Variants in MOS observed in about 807,000 individuals in gnomAD.
MOS encodes the protein MOS proto-oncogene, serine/threonine kinase.
For missense variants in MOS, 419 were observed against 459.6 expected (o/e 0.91, Z 0.81); for synonymous variants, 190 against 205.2 (o/e 0.93, Z 0.63).
rs914676231 is a variant in MOS, at chr8:56,113,601, G to C, written c.382C>G (p.Pro128Ala). The C allele has an allele frequency of 5.0e-6, 8 of 1,613,044 alleles. No homozygotes were observed. The highest frequency in any genetic ancestry group is 6.8e-6 in the Non-Finnish European group (8 of 1,179,768). The change falls in exon 1 of 1, where the codon CCC (proline) becomes GCC (alanine). Residue 128 changes from proline to alanine, a missense_variant. By Grantham distance (27) the Pro-to-Ala change is conservative (BLOSUM62 -1). Coordinates refer to ENST00000311923, the MANE Select transcript of MOS (RefSeq NM_005372.1). This position sits in a 1 kb window ranked among gnomAD's most constrained non-coding sequence, Gnocchi z 5.7. ...VRVVAASTRT[P>A]AGSNSLGTII... Reference sequence around the variant, plus strand: ...GTCCCTAGGCTATTGGACCCTGCGGGCGTGCGCGTGCTGGCAGCCACCACG... The same window carrying C: ...GTCCCTAGGCTATTGGACCCTGCGGCCGTGCGCGTGCTGGCAGCCACCACG...
Position 56,113,256 on chromosome 8 carries a change from A to G in MOS, c.727T>C (p.Tyr243His). 1 of 1,613,734 alleles carries G rather than the reference A, an allele frequency of 6.2e-7. No individual in the cohort carries two copies. The highest frequency in any genetic ancestry group is 1.6e-4 in the Middle Eastern group (1 of 6,062). The change falls in exon 1 of 1, where the codon TAC becomes CAC. Residue 243 changes from tyrosine (Y) to histidine (H), a missense_variant. Transcript: ENST00000311923. This position sits in a 1 kb window ranked among gnomAD's most constrained non-coding sequence, Gnocchi z 5.7. Reference sequence around the variant, plus strand: ...AGGAGCTCCGGGGCGCGGTGGGTGTATGTGCCTCCTAGAGGGTAAGAGGGT... The same window carrying G: ...AGGAGCTCCGGGGCGCGGTGGGTGTGTGTGCCTCCTAGAGGGTAAGAGGGT... ...QTPSYPLGGT[Y>H]THRAPELLKG...
rs778411090 is a variant in MOS at position 56,113,867 on chromosome 8, G to A, written c.116C>T (p.Thr39Ile). The stretch of plus-strand genomic sequence containing the variant: ...CGGCAGCCGCGGGGCCCGAGGAAGA[G>A]TGGCCCCCAGAAGCAGCTTCGCAGG... ...ELPAKLLLGA[T>I]LPRAPRLPRR... is the part of the protein sequence containing the mutation. Residue 39 changes from threonine (T) to isoleucine (I), a missense_variant, in exon 1 of 1, where the codon ACT (threonine) becomes ATT (isoleucine). Thr to Ile is a moderately conservative substitution (Grantham distance 89). Transcript: ENST00000311923. The surrounding 1 kb of genome is among the most constrained non-coding windows in gnomAD (Gnocchi z 5.7). 1.2e-6 allele frequency: 2 copies of A among 1,604,596 alleles called. No individual in the cohort carries two copies. The highest frequency in any genetic ancestry group is 8.5e-7 in the Non-Finnish European group (1 of 1,177,914).
At position 56,113,670 on chromosome 8, in the gene MOS, C is replaced by T; in HGVS notation, c.313G>A (p.Ala105Thr). ...CGCAGCCTTGCTACGTTGAGCTCAG[C>T]CCAGAAACTCCGCCGAGATGCTAGT... ...NRLASRRSFW[A>T]ELNVARLRHD... Residue 105 changes from alanine to threonine, a missense_variant, in exon 1 of 1, where the codon GCT (alanine) becomes ACT (threonine). Transcript: ENST00000311923. This position sits in a 1 kb window ranked among gnomAD's most constrained non-coding sequence, Gnocchi z 5.7. 1 of 1,613,868 alleles carries T rather than the reference C, an allele frequency of 6.2e-7. No individual in the cohort carries two copies. Among genetic ancestry groups the T allele is most frequent in the Non-Finnish European group, 8.5e-7 (1 of 1,179,918 alleles).
Position 56,113,096 on chromosome 8 carries a change from C to A in MOS, c.887G>T (p.Arg296Leu), listed in dbSNP as rs201748033. Residue 296 changes from arginine (R) to leucine (L), a missense_variant, in exon 1 of 1, where the codon CGC becomes CTC. By Grantham distance (102) the Arg-to-Leu change is moderately radical. Coordinates refer to ENST00000311923, the MANE Select transcript of MOS (RefSeq NM_005372.1). The surrounding 1 kb of genome is among the most constrained non-coding windows in gnomAD (Gnocchi z 5.7). ...ILYAVVAYDL[R>L]PSLSAAVFED... ...GAAGACGGCAGCGGAGAGGGACGGG[C>A]GCAGGTCGTAGGCCACCACCGCGTA... 2 of 1,610,980 alleles carry A rather than the reference C, an allele frequency of 1.2e-6. No individual in the cohort carries two copies. Among genetic ancestry groups the A allele is most frequent in the East Asian group, 2.2e-5 (1 of 44,838 alleles).
chr8:56,113,693 A>G lies in MOS; in HGVS notation c.290T>C (p.Leu97Pro). The change falls in exon 1 of 1, where the codon CTA becomes CCA. Residue 97 changes from leucine (L) to proline (P), a missense_variant. Transcript: ENST00000311923. The surrounding 1 kb of genome is among the most constrained non-coding windows in gnomAD (Gnocchi z 5.7). ...AGCCCAGAAACTCCGCCGAGATGCT[A>G]GTCGGTTCTTGGTGCACTTGTTCAC... ...KQVNKCTKNR[L>P]ASRRSFWAEL... is the part of the protein sequence containing the mutation. The G allele has an allele frequency of 6.2e-7, 1 of 1,614,004 alleles. No individual in the cohort carries two copies.
At position 56,113,462 on chromosome 8, in the gene MOS, C is replaced by T; in HGVS notation, c.521G>A (p.Ser174Asn). ...EPHCRTGGQL[S>N]LGKCLKYSLD... ...TGAGTACTTGAGACACTTTCCCAAA[C>T]TTAACTGTCCTCCAGTGCGGCAGTG... Residue 174 changes from serine (S) to asparagine (N), a missense_variant, in exon 1 of 1, where the codon AGT becomes AAT. Transcript: ENST00000311923. This position sits in a 1 kb window ranked among gnomAD's most constrained non-coding sequence, Gnocchi z 5.7. 9.3e-6 allele frequency: 15 copies of T among 1,614,086 alleles called. No homozygotes were observed. The highest frequency in any genetic ancestry group is 1.3e-5 in the Non-Finnish European group (15 of 1,180,028).
chr8:56,113,735 G>A lies in MOS; in HGVS notation c.248C>T (p.Pro83Leu), dbSNP rs752568092. The A allele has an allele frequency of 7.4e-6, 12 of 1,613,740 alleles. No homozygotes were observed. Among genetic ancestry groups the A allele is most frequent in the Middle Eastern group, 1.6e-4 (1 of 6,080 alleles). ...CTTGTTCACTTGCTTTATGGCCACA[G>A]GAACACCGCGGTAAGTCGCCTTGTA... Reference protein sequence around the residue: ...SVYKATYRGVPVAIKQVNKCT... With the variant: ...SVYKATYRGVLVAIKQVNKCT... Residue 83 changes from proline (P) to leucine (L), a missense_variant, in exon 1 of 1, where the codon CCT becomes CTT. Transcript: ENST00000311923. The surrounding 1 kb of genome is among the most constrained non-coding windows in gnomAD (Gnocchi z 5.7).
In MOS at chr8:56,113,833, C is replaced by T. The variant is rs1304722121; in HGVS notation, c.150G>A (p.Leu50=). 1.9e-6 allele frequency: 3 copies of T among 1,610,242 alleles called. No individual in the cohort carries two copies. The highest frequency in any genetic ancestry group is 2.5e-6 in the Non-Finnish European group (3 of 1,179,188). Residue 50 remains leucine, a synonymous_variant, in exon 1 of 1, where the codon CTG becomes CTA. Transcript: ENST00000311923. This position sits in a 1 kb window ranked among gnomAD's most constrained non-coding sequence, Gnocchi z 5.7. ...GCTCCCAGTCAATGGAGCACCAGGC[C>T]AGCCGGCGCGGCAGCCGCGGGGCCC... ...LPRAPRLPRR[L]AWCSIDWEQV...
At position 56,113,506 on chromosome 8, in the gene MOS, C is replaced by G. The variant is rs1289834156; in HGVS notation, c.477G>C (p.Glu159Asp). Residue 159 changes from glutamate (E) to aspartate (D), a missense_variant, in exon 1 of 1, where the codon GAG (glutamate) becomes GAC (aspartate). Glu to Asp is a conservative substitution (Grantham distance 45, BLOSUM62 2). Transcript: ENST00000311923. The surrounding 1 kb of genome is among the most constrained non-coding windows in gnomAD (Gnocchi z 5.7). ...GGCAGTGAGGCTCCCCTGCGTCCCC[C>G]TCAGGGTGGCCGGCGGCGCCATAGA... is the stretch of plus-strand genomic sequence containing the variant. ...QVIYGAAGHP[E>D]GDAGEPHCRT... is the part of the protein sequence containing the mutation. 1 of 1,614,082 alleles carries G rather than the reference C, an allele frequency of 6.2e-7. No homozygotes were observed. The highest frequency in any genetic ancestry group is 1.1e-5 in the South Asian group (1 of 91,074).
Position 56,113,630 on chromosome 8 carries a change from AC to A in MOS, c.352del (p.Val118CysfsTer17). 1 of 1,522,200 alleles carries A rather than the reference AC, an allele frequency of 6.6e-7. No homozygotes were observed. The highest frequency in any genetic ancestry group is 8.9e-7 in the Non-Finnish European group (1 of 1,124,856). The allele number at this position is 1,522,200 out of a possible 1,614,324, so 94.3% of individuals were successfully genotyped here. Reference sequence around the variant, plus strand: ...GCGCGTGCTGGCAGCCACCACGCGCACGATGTTATCGTGGCGCAGCCTTGCT... The same window carrying A: ...GCGCGTGCTGGCAGCCACCACGCGCAGATGTTATCGTGGCGCAGCCTTGCT... Reference protein sequence around the residue: ...NVARLRHDNIVRVVAASTRTP... With the variant: ...NVARLRHDNIXRVVAASTRTP... On this transcript the variant is annotated frameshift_variant, in exon 1 of 1. Coordinates refer to ENST00000311923, the MANE Select transcript of MOS (RefSeq NM_005372.1). LOFTEE classifies it low-confidence loss of function (END_TRUNC). The surrounding 1 kb of genome is among the most constrained non-coding windows in gnomAD (Gnocchi z 5.7).
In MOS at chr8:56,113,516, C is replaced by T; in HGVS notation, c.467G>A (p.Gly156Asp). 9 of 1,614,040 alleles carry T rather than the reference C, an allele frequency of 5.6e-6. No individual in the cohort carries two copies. Among genetic ancestry groups the T allele is most frequent in the Non-Finnish European group, 7.6e-6 (9 of 1,180,016 alleles). The part of the protein sequence containing the change: ...TLHQVIYGAA[G>D]HPEGDAGEPH... ...CTCCCCTGCGTCCCCCTCAGGGTGGCCGGCGGCGCCATAGATGACTTGGTG... is the reference window on the plus strand; with the variant it reads ...CTCCCCTGCGTCCCCCTCAGGGTGGTCGGCGGCGCCATAGATGACTTGGTG... Residue 156 changes from glycine to aspartate, a missense_variant, in exon 1 of 1, where the codon GGC becomes GAC. By Grantham distance (94) the Gly-to-Asp change is moderately conservative. Transcript: ENST00000311923. This position sits in a 1 kb window ranked among gnomAD's most constrained non-coding sequence, Gnocchi z 5.7.
At position 56,113,572 on chromosome 8, in the gene MOS, G is replaced by T; in HGVS notation, c.411C>A (p.Ile137=). Residue 137 remains isoleucine, a synonymous_variant, in exon 1 of 1, where the codon ATC becomes ATA. Coordinates refer to ENST00000311923, the MANE Select transcript of MOS (RefSeq NM_005372.1). This position sits in a 1 kb window ranked among gnomAD's most constrained non-coding sequence, Gnocchi z 5.7. ...TPAGSNSLGT[I]IMEFGGNVTL... is the part of the protein sequence containing the mutation. ...TGACGTTGCCACCGAACTCCATGATGATGGTCCCTAGGCTATTGGACCCTG... is the reference window on the plus strand; with the variant it reads ...TGACGTTGCCACCGAACTCCATGATTATGGTCCCTAGGCTATTGGACCCTG... 6.2e-7 allele frequency: 1 copy of T among 1,613,922 alleles called. No homozygotes were observed. The highest frequency in any genetic ancestry group is 1.3e-5 in the African/African-American group (1 of 75,008).
chr8:56,113,519 G>C lies in MOS; in HGVS notation c.464C>G (p.Ala155Gly), dbSNP rs1460417563. 6.2e-7 allele frequency: 1 copy of C among 1,613,920 alleles called. No homozygotes were observed. The highest frequency in any genetic ancestry group is 8.5e-7 in the Non-Finnish European group (1 of 1,180,024). Residue 155 changes from alanine to glycine, a missense_variant, in exon 1 of 1, where the codon GCC (alanine) becomes GGC (glycine). Transcript: ENST00000311923. The surrounding 1 kb of genome is among the most constrained non-coding windows in gnomAD (Gnocchi z 5.7). ...CCCTGCGTCCCCCTCAGGGTGGCCG[G>C]CGGCGCCATAGATGACTTGGTGTAA... ...VTLHQVIYGAAGHPEGDAGEP... is the reference protein window; with the variant it reads ...VTLHQVIYGAGGHPEGDAGEP...
chr8:56,113,756 T>C lies in MOS; in HGVS notation c.227A>G (p.Lys76Arg). The change falls in exon 1 of 1, where the codon AAG becomes AGG. Residue 76 changes from lysine (K) to arginine (R), a missense_variant. Coordinates refer to ENST00000311923, the MANE Select transcript of MOS (RefSeq NM_005372.1). The surrounding 1 kb of genome is among the most constrained non-coding windows in gnomAD (Gnocchi z 5.7). ...LGAGGFGSVYKATYRGVPVAI... is the reference protein window; with the variant it reads ...LGAGGFGSVYRATYRGVPVAI... ...CACAGGAACACCGCGGTAAGTCGCC[T>C]TGTACACCGAGCCAAACCCTCCAGC... 1.9e-6 allele frequency: 3 copies of C among 1,613,910 alleles called. No individual in the cohort carries two copies. Among genetic ancestry groups the C allele is most frequent in the Non-Finnish European group, 2.5e-6 (3 of 1,179,944 alleles).
chr8:56,113,595 C>A lies in MOS; in HGVS notation c.388G>T (p.Gly130Trp). The A allele has an allele frequency of 1.2e-6, 2 of 1,613,160 alleles. No homozygotes were observed. The highest frequency in any genetic ancestry group is 1.7e-6 in the Non-Finnish European group (2 of 1,179,784). Residue 130 changes from glycine (G) to tryptophan (W), a missense_variant, in exon 1 of 1, where the codon GGG (glycine) becomes TGG (tryptophan). Physicochemically the swap from Gly to Trp is radical, Grantham distance 184. Coordinates refer to ENST00000311923, the MANE Select transcript of MOS (RefSeq NM_005372.1). This position sits in a 1 kb window ranked among gnomAD's most constrained non-coding sequence, Gnocchi z 5.7. ...VVAASTRTPA[G>W]SNSLGTIIME... ...ATGATGGTCCCTAGGCTATTGGACC[C>A]TGCGGGCGTGCGCGTGCTGGCAGCC...
In MOS at chr8:56,113,037, C is replaced by T. The variant is rs757856887; in HGVS notation, c.946G>A (p.Val316Ile). Residue 316 changes from valine to isoleucine, a missense_variant, in exon 1 of 1, where the codon GTC (valine) becomes ATC (isoleucine). Val to Ile is a conservative substitution (Grantham distance 29, BLOSUM62 3). Transcript: ENST00000311923. This position sits in a 1 kb window ranked among gnomAD's most constrained non-coding sequence, Gnocchi z 5.7. The stretch of plus-strand genomic sequence containing the variant: ...CTGGGTCTCCAGCAGCGCTGGATGA[C>T]GTCCCCAAGGCGCTGCCCGGGGAGC... ...DSLPGQRLGD[V>I]IQRCWRPSAA... The T allele has an allele frequency of 6.3e-6, 10 of 1,592,470 alleles. No individual in the cohort carries two copies. Among genetic ancestry groups the T allele is most frequent in the Non-Finnish European group, 8.5e-6 (10 of 1,170,066 alleles).
chr8:56,112,984 C>G lies in MOS; in HGVS notation c.999G>C (p.Leu333=). 1 of 1,574,454 alleles carries G rather than the reference C, an allele frequency of 6.4e-7. No homozygotes were observed. Among genetic ancestry groups the G allele is most frequent in the South Asian group, 1.2e-5 (1 of 85,516 alleles). ...TCAAAGAGGTGAGATCCACCAAAAG[C>G]AGCCGCGCGCTCGGCCTCTGCGCCG... ...PSAAQRPSAR[L]LLVDLTSLKA... The change falls in exon 1 of 1, where the codon CTG becomes CTC. Residue 333 remains leucine (L), a synonymous_variant. Coordinates refer to ENST00000311923, the MANE Select transcript of MOS (RefSeq NM_005372.1).
Position 56,113,130 on chromosome 8 carries a change from G to T in MOS, c.853C>A (p.His285Asn). The T allele has an allele frequency of 1.2e-6, 2 of 1,614,036 alleles. No homozygotes were observed. Among genetic ancestry groups the T allele is most frequent in the Non-Finnish European group, 1.7e-6 (2 of 1,180,012 alleles). ...TAGGCCACCACCGCGTACAGTATGT[G>T]CTGCCGCTCCCCCGAATACGGCGCC... The part of the protein sequence containing the change: ...KQAPYSGERQ[H>N]ILYAVVAYDL... The change falls in exon 1 of 1, where the codon CAC (histidine) becomes AAC (asparagine). Residue 285 changes from histidine to asparagine, a missense_variant. His to Asn is a moderately conservative substitution (Grantham distance 68). Transcript: ENST00000311923. The surrounding 1 kb of genome is among the most constrained non-coding windows in gnomAD (Gnocchi z 5.7).
Position 56,113,269 on chromosome 8 carries a change from A to G in MOS, c.714T>C (p.Pro238=), listed in dbSNP as rs776808968. 7 of 1,613,766 alleles carry G rather than the reference A, an allele frequency of 4.3e-6. No individual in the cohort carries two copies. Among genetic ancestry groups the G allele is most frequent in the Non-Finnish European group, 5.9e-6 (7 of 1,179,960 alleles). ...CGCGGTGGGTGTATGTGCCTCCTAG[A>G]GGGTAAGAGGGTGTCTGGAAGCACA... The part of the protein sequence containing the change: ...DLLCFQTPSY[P]LGGTYTHRAP... Residue 238 remains proline (P), a synonymous_variant, in exon 1 of 1, where the codon CCT becomes CCC. Transcript: ENST00000311923. This position sits in a 1 kb window ranked among gnomAD's most constrained non-coding sequence, Gnocchi z 5.7.
Sources: gnomAD v4.1 joint callset for allele counts on GRCh38, gnomAD v4.1.1 for gene constraint, Gnocchi (gnomAD v3.1) non-coding constraint, MANE v1.5 for transcripts, NCBI Gene and HGNC (gene_info 2026-07-23, HGNC 2026-07-21) for gene names.